Variants in BAIAP2 observed in about 807,000 individuals in gnomAD.
The protein encoded by BAIAP2 is BAR/IMD domain-containing adapter protein 2.
BAIAP2 carries 18 observed loss-of-function variants against 63.0 expected under a neutral mutation model. The observed-to-expected ratio is 0.29, with a 90% confidence interval of 0.20 to 0.42. The LOEUF is 0.42. Ranked by LOEUF, BAIAP2 falls within the 10% of genes least tolerant of loss-of-function variation. BAIAP2 has a pLI of 1.00. For synonymous variants in BAIAP2, 386 were observed against 307.6 expected, an observed-to-expected ratio of 1.25 and a Z score of -2.67; for missense variants, 610 against 734.3, an observed-to-expected ratio of 0.83 and a Z score of 1.96.
At chr17:81,104,400 A>T (rs949515481) in intron 9 of BAIAP2, 114 bp from the exon 10 acceptor site, 1 of 1,208,168 alleles carries the variant, frequency 8.3e-7, no homozygotes, top group Non-Finnish European at 1.2e-6. Flanking sequence ...TAGCCAGCCC[A>T]CTTACCCACC....
chr17:81,057,973 A>ACACCCCCCCCC lies in BAIAP2; in HGVS notation c.217+7_217+8insACCCCCCCCCC, dbSNP rs2049872248. On this transcript the variant is annotated splice_region_variant and intron_variant, in intron 3 of 13. Transcript: ENST00000428708. ...CCAGGGCTCCAAAGAACTCGGTGAG[A>ACACCCCCCCCC]CCCCCCCCCCCCCCCCGCCTGGTAG... The ACACCCCCCCCC allele has an allele frequency of 1.4e-6, 1 of 700,452 alleles. No individual in the cohort carries two copies. The highest frequency in any genetic ancestry group is 1.9e-6 in the Non-Finnish European group (1 of 539,718). 43.4% of individuals were successfully genotyped at this position (700,452 alleles called of 1,614,324 possible).
intron 3 of BAIAP2, among the ~76,000 whole-genome samples, chr17:81,071,615 C>T (rs552091674): frequency 1.8e-4 from 28 of 152,334 alleles, no homozygotes; most frequent in Admixed American, 7.2e-4. Flanking sequence ...TGTTTCTGTG[C>T]CCTCAGTGTC....
chr17:81,041,725 C>T (rs918418126), intron 1 of BAIAP2, among the ~76,000 whole-genome samples: 2 of 152,126 alleles, frequency 1.3e-5, no homozygotes, highest in Non-Finnish European at 2.9e-5. Context: ...CAGGCATGCG[C>T]CACCACGCCT....
At chr17:81,059,325 T>G (rs1003077277) in intron 3 of BAIAP2, among the ~76,000 whole-genome samples, 1 of 152,106 alleles carries the variant, frequency 6.6e-6, no homozygotes, top group Non-Finnish European at 1.5e-5. Context: ...AGATGCATGG[T>G]GTTAGGGTGA....
intron 1 of BAIAP2, among the ~76,000 whole-genome samples, chr17:81,048,303 G>A (rs2048128128): frequency 7.2e-6 from 1 of 138,404 alleles, no homozygotes; most frequent in Non-Finnish European, 1.5e-5. Flanking sequence ...AGAATCACTT[G>A]CTGAGAATGC....
intron 13 of BAIAP2, among the ~76,000 whole-genome samples, chr17:81,114,014 G>T (rs186026894): frequency 1.3e-4 from 19 of 147,554 alleles, no homozygotes; most frequent in Non-Finnish European, 1.8e-4. Flanking sequence ...ACCCAGGCTG[G>T]AGTGCAGTGG....
Position 81,116,197 on chromosome 17 carries a change from T to G in BAIAP2, c.*358T>G. On this transcript the variant is annotated 3_prime_UTR_variant, in exon 14 of 14. Coordinates refer to ENST00000428708, the MANE Select transcript of BAIAP2 (RefSeq NM_001144888.2). Reference sequence around the variant, plus strand: ...GGGAGCCTGGCTGCCCTGCTGCTTCTCCTGCCTAATAAACAGGCTTCTCCT... The same window carrying G: ...GGGAGCCTGGCTGCCCTGCTGCTTCGCCTGCCTAATAAACAGGCTTCTCCT... 1 of 1,608,010 alleles carries G rather than the reference T, an allele frequency of 6.2e-7. No homozygotes were observed. The highest frequency in any genetic ancestry group is 8.5e-7 in the Non-Finnish European group (1 of 1,176,426).
At chr17:81,061,602 A>G (rs2050569238) in intron 3 of BAIAP2, among the ~76,000 whole-genome samples, 2 of 152,120 alleles carry the variant, frequency 1.3e-5, no homozygotes, top group African/African-American at 4.8e-5. Context: ...CGCGTCAGGA[A>G]TTTGTTGCAT....
chr17:81,038,769 C>T (rs566050497), intron 1 of BAIAP2, among the ~76,000 whole-genome samples: 1 of 152,232 alleles, frequency 6.6e-6, no homozygotes, highest in Admixed American at 6.5e-5. Context: ...CTGTTCCTCT[C>T]TGCCACATCC....
intron 9 of BAIAP2, 130 bp downstream of exon 9, chr17:81,104,238 ACATGCATGTGGTACACACACGTGTGCCTG>A: frequency 9.6e-7 from 1 of 1,044,226 alleles, no homozygotes; most frequent in South Asian, 1.5e-5. Context: ...GTGTGTACCT[ACATGCATGTGGTACACACACGTGTGCCTG>A]CCCAGCATCC....
intron 11 of BAIAP2, 109 bp from the exon 12 acceptor site, chr17:81,106,636 C>A (rs1227636944): frequency 1.5e-6 from 2 of 1,329,948 alleles, no homozygotes; most frequent in African/African-American, 1.5e-5. Context: ...GCAGCCTCCC[C>A]GCATGTGGCG....
chr17:81,111,311 G>A (rs116797671), intron 13 of BAIAP2, among the ~76,000 whole-genome samples: 1,851 of 152,368 alleles, frequency 0.012, 34 homozygotes, highest in African/African-American at 0.042. Context: ...GCTGCAGCCC[G>A]GGCCTTTCCC....
At chr17:81,036,976 T>G in intron 1 of BAIAP2, 2 of 1,533,376 alleles carry the variant, frequency 1.3e-6, no homozygotes, top group Non-Finnish European at 1.7e-6. Context: ...GTACATGGAG[T>G]GGTTTTGCTC....
chr17:81,109,911 G>T (rs764241719), intron 13 of BAIAP2: 402 of 985,360 alleles, frequency 4.1e-4, no homozygotes, highest in Non-Finnish European at 4.4e-4. Context: ...CCGGCTGGGG[G>T]AGGGCAGCTC....
At position 81,115,942 on chromosome 17, in the gene BAIAP2, C is replaced by T; in HGVS notation, c.*103C>T. 2 of 1,548,726 alleles carry T rather than the reference C, an allele frequency of 1.3e-6. No homozygotes were observed. The highest frequency in any genetic ancestry group is 1.2e-5 in the South Asian group (1 of 86,328). Reference sequence around the variant, plus strand: ...GTTCCTGTGTAGAGAACATCCAGGCCCCGGCTGCCTGGTCTTGCCCCACTT... The same window carrying T: ...GTTCCTGTGTAGAGAACATCCAGGCTCCGGCTGCCTGGTCTTGCCCCACTT... On this transcript the variant is annotated 3_prime_UTR_variant, in exon 14 of 14. Coordinates refer to ENST00000428708, the MANE Select transcript of BAIAP2 (RefSeq NM_001144888.2).
At chr17:81,086,625 G>T in intron 6 of BAIAP2, 45 bp downstream of exon 6, 1 of 1,608,546 alleles carries the variant, frequency 6.2e-7, no homozygotes, top group Admixed American at 1.7e-5. Flanking sequence ...GCCACCTTGG[G>T]ACTGCTCACC....
intron 13 of BAIAP2, among the ~76,000 whole-genome samples, chr17:81,111,411 G>A (rs1052689763): frequency 4.6e-5 from 7 of 152,242 alleles, no homozygotes; most frequent in African/African-American, 1.7e-4. Flanking sequence ...AGGGTCCTGG[G>A]GAGAACCCTG....
chr17:81,072,975 A>G (rs1330900052), intron 3 of BAIAP2, among the ~76,000 whole-genome samples: 2 of 151,990 alleles, frequency 1.3e-5, no homozygotes, highest in East Asian at 3.9e-4. Context: ...AGAAAATGGC[A>G]TCTGGCCTGG....
In BAIAP2 at chr17:81,109,020, G is replaced by A. The variant is rs373648098; in HGVS notation, c.1535+511G>A. ...GTGAGGACGCTGACCCCGGGCAGCC[G>A]CTGCTCTGAAGAGCTTCCGCGCCTT... On this transcript the variant is annotated intron_variant, in intron 13 of 13. Transcript: ENST00000428708. 37 of 1,543,242 alleles carry A rather than the reference G, an allele frequency of 2.4e-5. No homozygotes were observed. In the African/African-American group the frequency reaches 4.5e-4, roughly 19 times the overall value.
Sources: gnomAD v4.1 joint callset for allele counts (sites outside exome capture counted in the v4.1 genomes callset) on GRCh38, gnomAD v4.1.1 for gene constraint, MANE v1.5 for transcripts, NCBI Gene and HGNC (gene_info 2026-07-23, HGNC 2026-07-21) for gene names.